MAP2K6: variants seen among roughly 807,000 people sequenced by gnomAD.
MAP2K6 encodes mitogen-activated protein kinase kinase 6.
MAP2K6 carries 16 observed loss-of-function variants against 53.7 expected under a neutral mutation model. The observed-to-expected ratio is 0.30, with a 90% CI of 0.20 to 0.45. The LOEUF (loss-of-function observed/expected upper bound fraction) is 0.45. MAP2K6 is among the 20% of genes least tolerant of loss of function. The pLI is 1.00. For missense variants in MAP2K6, 204 were observed against 411.9 expected (o/e 0.50, Z 4.37); for synonymous variants, 132 against 143.1 (o/e 0.92, Z 0.55).
At chr17:69,420,359 A>C (rs1419811501) in intron 1 of MAP2K6, among the ~76,000 whole-genome samples, 1 of 152,188 alleles carries the variant, frequency 6.6e-6, no homozygotes, top group African/African-American at 2.4e-5. Flanking sequence ...GCAATGCCTA[A>C]TCACAAAAGG....
At chr17:69,422,070 G>A (rs1015689459) in intron 1 of MAP2K6, among the ~76,000 whole-genome samples, 1 of 151,542 alleles carries the variant, frequency 6.6e-6, no homozygotes, top group Non-Finnish European at 1.5e-5. Flanking sequence ...CTGAGTTGAG[G>A]AGGATATTCA....
At chr17:69,508,039 T>C (rs898530316) in intron 2 of MAP2K6, among the ~76,000 whole-genome samples, 1 of 116,242 alleles carries the variant, frequency 8.6e-6, no homozygotes, top group African/African-American at 3.3e-5. Flanking sequence ...GATATATATG[T>C]AGTTTTTTTT....
intron 1 of MAP2K6, among the ~76,000 whole-genome samples, chr17:69,461,548 A>G (rs1052357964): frequency 6.6e-6 from 1 of 152,016 alleles, no homozygotes; most frequent in African/African-American, 2.4e-5. Flanking sequence ...TGTTTTCCTG[A>G]CTGTTTATGG....
At chr17:69,473,997 C>A (rs1004356064) in intron 1 of MAP2K6, among the ~76,000 whole-genome samples, 1 of 152,106 alleles carries the variant, frequency 6.6e-6, no homozygotes, top group Non-Finnish European at 1.5e-5. Context: ...ATTTAAAAAC[C>A]AAAGCATGCA....
intron 1 of MAP2K6, among the ~76,000 whole-genome samples, chr17:69,490,489 G>A (rs990989533): frequency 6.6e-6 from 1 of 152,144 alleles, no homozygotes; most frequent in African/African-American, 2.4e-5. Context: ...GTGAAAGTGG[G>A]GTAGGGAAAG....
chr17:69,535,522 G>C (rs1441934541), intron 10 of MAP2K6, among the ~76,000 whole-genome samples: 1 of 152,198 alleles, frequency 6.6e-6, no homozygotes, highest in East Asian at 1.9e-4. Context: ...GCCTAGGGAG[G>C]TGGAGGCTGC....
At chr17:69,482,843 A>G (rs755944830) in intron 1 of MAP2K6, among the ~76,000 whole-genome samples, 10 of 152,066 alleles carry the variant, frequency 6.6e-5, no homozygotes, top group Admixed American at 2.6e-4. Flanking sequence ...CATTCATAAG[A>G]CAGATTTTTG....
intron 2 of MAP2K6, among the ~76,000 whole-genome samples, chr17:69,511,855 T>G (rs1909839344): frequency 1.3e-5 from 2 of 152,224 alleles, no homozygotes. Context: ...GGCGGGCACC[T>G]GTAATCCCAG....
At chr17:69,500,584 A>G (rs1434681738) in intron 1 of MAP2K6, among the ~76,000 whole-genome samples, 1 of 151,600 alleles carries the variant, frequency 6.6e-6, no homozygotes, top group Non-Finnish European at 1.5e-5. Context: ...GTGAAACCCC[A>G]TCTGTACTAA....
chr17:69,459,443 G>A (rs148111160), intron 1 of MAP2K6, among the ~76,000 whole-genome samples: 159 of 152,074 alleles, frequency 1.0e-3, no homozygotes, highest in African/African-American at 3.6e-3. Flanking sequence ...CATACACTGG[G>A]GATCATGCCT....
rs568194302 is a variant in MAP2K6, at chr17:69,518,705, T to C, written c.247-608T>C. Among the ~76,000 whole-genome samples the C allele has an allele frequency of 2.8e-4, 43 of 152,326 alleles. No individual in the cohort carries two copies. In the South Asian group the frequency reaches 8.7e-3, roughly 31 times the overall value. On this transcript the variant is annotated intron_variant, in intron 4 of 11. Coordinates refer to ENST00000590474, the MANE Select transcript of MAP2K6 (RefSeq NM_002758.4). ...TCTGTTCTTCTGCTGACTTGCTAAG[T>C]AGGCAAAAAGTGTGAAGTCCCAGTG...
chr17:69,448,290 G>A (rs967760241), intron 1 of MAP2K6, among the ~76,000 whole-genome samples: 1 of 151,092 alleles, frequency 6.6e-6, no homozygotes. Flanking sequence ...GAGTGCAGAG[G>A]CCTAATTTGA....
chr17:69,464,747 G>A (rs1398758992), intron 1 of MAP2K6, among the ~76,000 whole-genome samples: 1 of 151,718 alleles, frequency 6.6e-6, no homozygotes, highest in Non-Finnish European at 1.5e-5. Context: ...ACAGAGTCTC[G>A]CTCTGTTGCC....
chr17:69,465,708 C>T (rs995137298), intron 1 of MAP2K6, among the ~76,000 whole-genome samples: 3 of 151,708 alleles, frequency 2.0e-5, no homozygotes, highest in African/African-American at 7.3e-5. Flanking sequence ...CAACCCCTGC[C>T]TCCTGAGTTC....
Position 69,520,356 on chromosome 17 carries a change from A to C in MAP2K6, c.453A>C (p.Pro151=). The part of the protein sequence containing the change: ...KQVIDKGQTI[P]EDILGKIAVS... ...TTATTGATAAAGGCCAGACAATTCC[A>C]GAGGACATCTTAGGGAAAATAGCAG... Residue 151 remains proline, a synonymous_variant, in exon 6 of 12, where the codon CCA becomes CCC. Transcript: ENST00000590474. The C allele has an allele frequency of 1.9e-6, 3 of 1,610,528 alleles. No individual in the cohort carries two copies. Among genetic ancestry groups the C allele is most frequent in the Non-Finnish European group, 2.5e-6 (3 of 1,178,052 alleles).
At chr17:69,515,892 T>G (rs916072472) in intron 2 of MAP2K6, among the ~76,000 whole-genome samples, 1 of 152,234 alleles carries the variant, frequency 6.6e-6, no homozygotes, top group Non-Finnish European at 1.5e-5. Flanking sequence ...TATATGCCAT[T>G]ACTATTTGTT....
At chr17:69,518,551 T>C (rs2716208) in intron 4 of MAP2K6, among the ~76,000 whole-genome samples, 97,378 of 152,018 alleles carry the variant, frequency 0.64, 31,531 homozygotes, top group Middle Eastern at 0.75. Flanking sequence ...AGTAGGTGTT[T>C]GGAGGATCAT....
intron 1 of MAP2K6, among the ~76,000 whole-genome samples, chr17:69,491,833 G>T (rs1396677745): frequency 3.3e-5 from 5 of 151,924 alleles, no homozygotes; most frequent in African/African-American, 1.2e-4. Context: ...AGACTGGTCT[G>T]AGATGTTATT....
intron 1 of MAP2K6, among the ~76,000 whole-genome samples, chr17:69,471,964 G>A (rs983047654): frequency 3.9e-5 from 6 of 152,216 alleles, no homozygotes; most frequent in Non-Finnish European, 7.4e-5. Context: ...CATCTTCCCC[G>A]CGGGGATGTC....
Sources: gnomAD v4.1 joint callset for allele counts (sites outside exome capture counted in the v4.1 genomes callset) on GRCh38, gnomAD v4.1.1 for gene constraint, MANE v1.5 for transcripts, NCBI Gene and HGNC (gene_info 2026-07-23, HGNC 2026-07-21) for gene names.